XIRP2: variants seen among roughly 807,000 people sequenced by gnomAD.
The protein encoded by XIRP2 is xin actin-binding repeat-containing protein 2.
XIRP2 carries 236 observed loss-of-function variants against 277.0 expected under a neutral mutation model. The observed-to-expected ratio is 0.85, with a 90% CI of 0.77 to 0.95. XIRP2 has a LOEUF of 0.95. Ranked by LOEUF, XIRP2 falls within the 40% of genes least tolerant of loss-of-function variation. The pLI, the probability that XIRP2 is intolerant of heterozygous loss-of-function variation, is 0.00. For synonymous variants in XIRP2, 1,490 were observed against 1,416.5 expected (o/e 1.05, Z -1.17); for missense variants, 4,640 against 4,157.5 (o/e 1.12, Z -3.19).
chr2:167,241,635 C>G, intron 7 of XIRP2, 142 bp from the exon 8 acceptor site: 1 of 906,062 alleles, frequency 1.1e-6, no homozygotes, highest in Non-Finnish European at 1.6e-6. Context: ...GTCTCACACC[C>G]TTGGGCTCAA....
chr2:167,129,930 C>T (rs573810555), intron 2 of XIRP2, among the ~76,000 whole-genome samples: 1 of 151,860 alleles, frequency 6.6e-6, no homozygotes, highest in African/African-American at 2.4e-5. Flanking sequence ...AGTTTGTTTC[C>T]CTTATTTTCA....
intron 3 of XIRP2, among the ~76,000 whole-genome samples, chr2:167,209,299 A>T (rs1314855891): frequency 6.6e-6 from 1 of 152,188 alleles, no homozygotes; most frequent in Non-Finnish European, 1.5e-5. Flanking sequence ...ATGATTTTTT[A>T]ATTTTTTCTA....
rs776954461 is a variant in XIRP2 at position 167,246,920 on chromosome 2, C to A, written c.5528C>A (p.Ser1843Ter). 1.9e-6 allele frequency: 3 copies of A among 1,613,224 alleles called. No homozygotes were observed. The highest frequency in any genetic ancestry group is 2.5e-6 in the Non-Finnish European group (3 of 1,179,784). Residue 1843 changes from serine (S) to a stop codon, truncating the protein, a stop_gained, in exon 9 of 11, where the codon TCA becomes TAA. Transcript: ENST00000409195. LOFTEE classifies it high-confidence loss of function. ...GAGATTATAAAAGGTGATTTGACAT[C>A]AACCCTAAATTCCCTCAGCCAGGCT... ...KEEIIKGDLT[S>*]TLNSLSQAVN...
chr2:166,987,619 A>T (rs1215938911), intron 2 of XIRP2, among the ~76,000 whole-genome samples: 1 of 152,214 alleles, frequency 6.6e-6, no homozygotes, highest in Non-Finnish European at 1.5e-5. Context: ...GATTTTAAAA[A>T]TTGGCATTTG....
At chr2:167,227,572 G>T (rs1486678167) in intron 5 of XIRP2, among the ~76,000 whole-genome samples, 1 of 151,944 alleles carries the variant, frequency 6.6e-6, no homozygotes. Flanking sequence ...GCCAAGCATG[G>T]TGGCTGTGCT....
chr2:167,106,628 C>T (rs189286133), intron 2 of XIRP2, among the ~76,000 whole-genome samples: 6 of 151,684 alleles, frequency 4.0e-5, no homozygotes, highest in Admixed American at 2.0e-4. Context: ...AAATTCCTCC[C>T]AATTACTTTA....
intron 10 of XIRP2, among the ~76,000 whole-genome samples, chr2:167,257,592 C>G (rs1292551281): frequency 2.0e-5 from 3 of 151,958 alleles, no homozygotes; most frequent in Non-Finnish European, 2.9e-5. Context: ...CACTCTGCAC[C>G]ATGTATAACC....
intron 2 of XIRP2, among the ~76,000 whole-genome samples, chr2:166,936,029 C>G (rs1685487810): frequency 1.3e-5 from 2 of 152,214 alleles, no homozygotes; most frequent in Non-Finnish European, 2.9e-5. Flanking sequence ...GTCCCACCAA[C>G]AGTGTAAAAG....
intron 2 of XIRP2, among the ~76,000 whole-genome samples, chr2:166,987,711 T>C (rs1301068555): frequency 6.6e-6 from 1 of 152,188 alleles, no homozygotes; most frequent in Non-Finnish European, 1.5e-5. Context: ...GATTTGAATG[T>C]GCCAGATGGT....
chr2:166,946,305 A>G (rs1259981706), intron 2 of XIRP2, among the ~76,000 whole-genome samples: 3 of 152,224 alleles, frequency 2.0e-5, no homozygotes, highest in African/African-American at 7.2e-5. Flanking sequence ...GTTGTTGGAT[A>G]TAAGTTCTGT....
chr2:167,259,591 A>G lies in XIRP2; in HGVS notation c.*1774A>G, dbSNP rs1185013058. The stretch of plus-strand genomic sequence containing the variant: ...AACTGGAATGAAGAGATGAAACACT[A>G]TGGATATGTTTTCCATTCAAATGGC... On this transcript the variant is annotated 3_prime_UTR_variant, in exon 11 of 11. Coordinates refer to ENST00000409195, the MANE Select transcript of XIRP2 (RefSeq NM_152381.6). 7.0e-6 allele frequency: 3 copies of G among 426,750 alleles called. No individual in the cohort carries two copies. The highest frequency in any genetic ancestry group is 2.1e-5 in the African/African-American group (1 of 48,622). 26.4% of individuals were successfully genotyped at this position (426,750 alleles called of 1,614,324 possible).
At chr2:166,892,312 A>G (rs1259443771) in intron 1 of XIRP2, among the ~76,000 whole-genome samples, 1 of 152,144 alleles carries the variant, frequency 6.6e-6, no homozygotes, top group African/African-American at 2.4e-5. Flanking sequence ...GGCCTCAGAA[A>G]ATGCTGTGAT....
At chr2:167,036,602 A>C (rs1688513030) in intron 2 of XIRP2, among the ~76,000 whole-genome samples, 1 of 152,116 alleles carries the variant, frequency 6.6e-6, no homozygotes, top group Non-Finnish European at 1.5e-5. Flanking sequence ...GCCTTCTCTC[A>C]GATAAAACTT....
At chr2:167,108,295 C>G (rs1690661362) in intron 2 of XIRP2, among the ~76,000 whole-genome samples, 2 of 151,804 alleles carry the variant, frequency 1.3e-5, no homozygotes, top group Admixed American at 6.6e-5. Context: ...AATGAACTAG[C>G]TTTTTTGTTT....
chr2:167,073,301 A>G (rs1030214690), intron 2 of XIRP2, among the ~76,000 whole-genome samples: 1 of 152,148 alleles, frequency 6.6e-6, no homozygotes, highest in Non-Finnish European at 1.5e-5. Flanking sequence ...CCTAAAGAAG[A>G]CATCAGTTTT....
intron 5 of XIRP2, among the ~76,000 whole-genome samples, chr2:167,231,311 A>G (rs1163521552): frequency 6.6e-6 from 1 of 152,032 alleles, no homozygotes; most frequent in Non-Finnish European, 1.5e-5. Context: ...GCAACTCTTT[A>G]TGATACCCTT....
At chr2:167,224,000 G>A (rs1694513826) in intron 5 of XIRP2, among the ~76,000 whole-genome samples, 1 of 152,130 alleles carries the variant, frequency 6.6e-6, no homozygotes, top group South Asian at 2.1e-4. Flanking sequence ...GAAATTTGTC[G>A]GCTTTCATTC....
In XIRP2 at chr2:167,250,284, T is replaced by C. The variant is rs761095146; in HGVS notation, c.8892T>C (p.Phe2964=). The C allele has an allele frequency of 6.2e-6, 10 of 1,613,176 alleles. No individual in the cohort carries two copies. The highest frequency in any genetic ancestry group is 2.2e-5 in the East Asian group (1 of 44,814). The change falls in exon 9 of 11, where the codon TTT becomes TTC. Residue 2964 remains phenylalanine, a synonymous_variant. Transcript: ENST00000409195. The part of the protein sequence containing the change: ...LQQILSRVKQ[F]EAEPNKSGLK... ...AGATTTTGTCGAGAGTGAAACAGTT[T>C]GAAGCAGAGCCAAATAAAAGTGGCC...
intron 2 of XIRP2, among the ~76,000 whole-genome samples, chr2:167,087,598 C>T (rs1384595769): frequency 1.3e-5 from 2 of 152,202 alleles, no homozygotes; most frequent in African/African-American, 4.8e-5. Context: ...AGCGAGACTC[C>T]ATGGGCGTAG....
Sources: allele counts gnomAD v4.1 joint callset (sites outside exome capture counted in the v4.1 genomes callset), GRCh38; gene constraint gnomAD v4.1.1; transcripts MANE v1.5; gene names NCBI Gene and HGNC (gene_info 2026-07-23, HGNC 2026-07-21).